MAP3K2: variants seen among roughly 807,000 people sequenced by gnomAD.
The protein encoded by MAP3K2 is mitogen-activated protein kinase kinase kinase 2, also known as MAP/ERK kinase kinase 2.
A neutral mutation model predicts 80.3 loss-of-function variants in MAP3K2; 24 were observed. The observed-to-expected ratio is 0.30, with a 90% CI of 0.22 to 0.42. MAP3K2 has a LOEUF of 0.42. MAP3K2 is among the 10% of genes least tolerant of loss of function. The pLI, the probability that MAP3K2 is intolerant of heterozygous loss-of-function variation, is 1.00. For missense variants in MAP3K2, 608 were observed against 750.1 expected, an observed-to-expected ratio of 0.81 and a Z score of 2.21; for synonymous variants, 244 against 253.7, an observed-to-expected ratio of 0.96 and a Z score of 0.36.
chr2:127,362,236 G>A (rs909879142), intron 1 of MAP3K2, among the ~76,000 whole-genome samples: 1 of 152,138 alleles, frequency 6.6e-6, no homozygotes, highest in Non-Finnish European at 1.5e-5. Flanking sequence ...TGTGACCGCA[G>A]GCAAATGACT....
rs902600051 is a variant in MAP3K2, at chr2:127,301,376, C to G, written c.*6203G>C. On this transcript the variant is annotated 3_prime_UTR_variant, in exon 17 of 17. Coordinates refer to ENST00000682094, the MANE Select transcript of MAP3K2 (RefSeq NM_001371910.2). ...CACATGTACAAGCTTAAATTCATGT[C>G]TACATAGTTCCTCAATAGTGGAAGT... 9 of 152,248 alleles carry G rather than the reference C, an allele frequency of 5.9e-5. No homozygotes were observed. The highest frequency in any genetic ancestry group is 2.2e-4 in the African/African-American group (9 of 41,468). 9.4% of individuals were successfully genotyped at this position (152,248 alleles called of 1,614,324 possible). A position where few individuals can be genotyped will look rare whatever the true frequency, so the allele number is the denominator to read the frequency against.
chr2:127,361,564 G>A (rs1037683008), intron 1 of MAP3K2, among the ~76,000 whole-genome samples: 21 of 152,128 alleles, frequency 1.4e-4, no homozygotes, highest in Admixed American at 2.6e-4. Flanking sequence ...CACATCCTCA[G>A]AAAGGCAGAG....
chr2:127,379,053 C>A (rs1404292085), intron 1 of MAP3K2, among the ~76,000 whole-genome samples: 1 of 135,966 alleles, frequency 7.4e-6, no homozygotes, highest in African/African-American at 2.8e-5. Context: ...AACTCCTGGG[C>A]TCCAGCGACC....
intron 1 of MAP3K2, among the ~76,000 whole-genome samples, chr2:127,345,420 A>G (rs977367731): frequency 1.3e-5 from 2 of 152,246 alleles, no homozygotes; most frequent in African/African-American, 4.8e-5. Context: ...ACAATTCAAA[A>G]ATAAAAGTTG....
intron 1 of MAP3K2, 89 bp downstream of exon 1, chr2:127,387,363 C>G (rs1399160689): frequency 1.6e-5 from 8 of 511,116 alleles, no homozygotes; most frequent in Non-Finnish European, 2.0e-5. Flanking sequence ...GCCCCCCTCC[C>G]GGCGCCCAGC....
chr2:127,325,693 C>T, intron 9 of MAP3K2, 35 bp downstream of exon 9: 1 of 1,532,632 alleles, frequency 6.5e-7, no homozygotes. Flanking sequence ...CTCAAATAAA[C>T]AAATAAACCC....
chr2:127,315,368 C>T (rs554026839), intron 14 of MAP3K2, among the ~76,000 whole-genome samples: 17 of 152,144 alleles, frequency 1.1e-4, no homozygotes, highest in Non-Finnish European at 2.1e-4. Flanking sequence ...TCTTTTTTGA[C>T]AGGAAAATAC....
chr2:127,351,722 A>C (rs1473732281), intron 1 of MAP3K2, among the ~76,000 whole-genome samples: 1 of 152,148 alleles, frequency 6.6e-6, no homozygotes, highest in Non-Finnish European at 1.5e-5. Flanking sequence ...CCTATACAAC[A>C]ATAAGGATCA....
At chr2:127,388,380 G>A, upstream of MAP3K2, 2 of 985,416 alleles carry the variant, frequency 2.0e-6, no homozygotes, top group South Asian at 9.4e-5. Context: ...CGGACTGTGT[G>A]GCAGGTCATT....
At chr2:127,359,230 C>G (rs1159344097) in intron 1 of MAP3K2, among the ~76,000 whole-genome samples, 1 of 152,130 alleles carries the variant, frequency 6.6e-6, no homozygotes, top group Non-Finnish European at 1.5e-5. Context: ...TCATTATTTG[C>G]TCATCACCCA....
chr2:127,325,888 C>T (rs913049544), intron 8 of MAP3K2, 81 bp from the exon 9 acceptor site: 1 of 864,926 alleles, frequency 1.2e-6, no homozygotes, highest in Middle Eastern at 2.2e-4. Context: ...CTTAATTAGA[C>T]ATACTTCATG....
chr2:127,319,774 G>A (rs559586908), intron 12 of MAP3K2, among the ~76,000 whole-genome samples: 9 of 151,504 alleles, frequency 5.9e-5, no homozygotes, highest in African/African-American at 2.2e-4. Flanking sequence ...GGGAAGGGGA[G>A]GTTGCGGTGA....
At chr2:127,347,937 G>C (rs1158286995) in intron 1 of MAP3K2, among the ~76,000 whole-genome samples, 1 of 152,070 alleles carries the variant, frequency 6.6e-6, no homozygotes, top group Non-Finnish European at 1.5e-5. Flanking sequence ...GAAGAAATAT[G>C]AGCCACTGTT....
At chr2:127,384,535 T>C (rs775330150) in intron 1 of MAP3K2, among the ~76,000 whole-genome samples, 7 of 152,152 alleles carry the variant, frequency 4.6e-5, no homozygotes, top group Non-Finnish European at 8.8e-5. Flanking sequence ...TGGATGACTT[T>C]GAGGGGTTTA....
intron 1 of MAP3K2, among the ~76,000 whole-genome samples, chr2:127,353,482 G>T (rs532761155): frequency 1.3e-5 from 2 of 152,188 alleles, no homozygotes; most frequent in South Asian, 2.1e-4. Flanking sequence ...TGTCTGAGAA[G>T]TGAGGAGCCC....
At chr2:127,320,936 A>C (rs183717964) in intron 12 of MAP3K2, among the ~76,000 whole-genome samples, 1 of 152,302 alleles carries the variant, frequency 6.6e-6, no homozygotes, top group East Asian at 1.9e-4. Context: ...CCTGGGCAAC[A>C]CAGCAAAACC....
chr2:127,329,510 C>T (rs771542661), intron 7 of MAP3K2, among the ~76,000 whole-genome samples: 2 of 152,176 alleles, frequency 1.3e-5, no homozygotes, highest in African/African-American at 2.4e-5. Flanking sequence ...GCATGCACCA[C>T]CACGCCCAGC....
intron 3 of MAP3K2, among the ~76,000 whole-genome samples, chr2:127,338,642 T>A (rs1008422805): frequency 6.6e-6 from 1 of 152,188 alleles, no homozygotes. Context: ...GTTCCATCCA[T>A]GTTCCTGAAA....
intron 1 of MAP3K2, among the ~76,000 whole-genome samples, chr2:127,380,494 A>T (rs1687227297): frequency 6.6e-6 from 1 of 152,222 alleles, no homozygotes; most frequent in African/African-American, 2.4e-5. Context: ...TATGAATCTC[A>T]AACAAATAAT....
Sources: allele counts gnomAD v4.1 joint callset (sites outside exome capture counted in the v4.1 genomes callset), GRCh38; gene constraint gnomAD v4.1.1; transcripts MANE v1.5; gene names NCBI Gene and HGNC (gene_info 2026-07-23, HGNC 2026-07-21).